Variants in ROCK1 observed in about 807,000 individuals in gnomAD.
ROCK1 encodes the protein Rho associated coiled-coil containing protein kinase 1.
In ROCK1, 36 loss-of-function variants were observed where a neutral mutation model predicts 196.8. The ratio of observed to expected loss-of-function variants is 0.18; its 90% CI spans 0.14 to 0.24. The LOEUF (loss-of-function observed/expected upper bound fraction) is 0.24. Ranked by LOEUF, ROCK1 falls within the 10% of genes least tolerant of loss-of-function variation. ROCK1 has a pLI of 1.00. For synonymous variants in ROCK1, 443 were observed against 515.9 expected (o/e 0.86, Z 1.91); for missense variants, 920 against 1,562.0 (o/e 0.59, Z 6.93).
At chr18:20,983,187 A>G (rs2035548622) in intron 20 of ROCK1, among the ~76,000 whole-genome samples, 1 of 151,358 alleles carries the variant, frequency 6.6e-6, no homozygotes, top group Non-Finnish European at 1.5e-5. Context: ...AATGTCTTGT[A>G]CAGTAAATAA....
chr18:21,107,949 G>A (rs571888614), intron 1 of ROCK1, among the ~76,000 whole-genome samples: 5 of 152,074 alleles, frequency 3.3e-5, no homozygotes, highest in Admixed American at 2.6e-4. Context: ...AACTACTCGT[G>A]GGGGCTGAGG....
chr18:20,952,074 A>G (rs1179453381), intron 32 of ROCK1, among the ~76,000 whole-genome samples: 1 of 152,208 alleles, frequency 6.6e-6, no homozygotes, highest in Non-Finnish European at 1.5e-5. Flanking sequence ...ATGAGATTTC[A>G]TTATTTCTCT....
At chr18:21,064,775 A>G (rs1349283051) in intron 2 of ROCK1, among the ~76,000 whole-genome samples, 1 of 152,328 alleles carries the variant, frequency 6.6e-6, no homozygotes, top group East Asian at 1.9e-4. Flanking sequence ...TTATAATCTC[A>G]GCTGAGAACT....
chr18:21,048,842 G>A (rs1418861746), intron 4 of ROCK1, among the ~76,000 whole-genome samples: 6 of 152,028 alleles, frequency 3.9e-5, no homozygotes, highest in South Asian at 4.1e-4. Context: ...GAGCCATCAC[G>A]CCCAGCACAA....
intron 16 of ROCK1, among the ~76,000 whole-genome samples, chr18:21,005,651 C>T (rs572758584): frequency 3.6e-4 from 55 of 152,104 alleles, no homozygotes; most frequent in Middle Eastern, 3.4e-3. Context: ...TCGAGGTGGG[C>T]GGATCGCTTG....
intron 9 of ROCK1, among the ~76,000 whole-genome samples, chr18:21,033,854 T>TAAAAAAAAAAAAAA (rs71269004): frequency 3.3e-4 from 11 of 33,458 alleles, no homozygotes; most frequent in East Asian, 2.1e-3. Context: ...CCGTTTCTAC[T>TAAAAAAAAAAAAAA]AAAAAAAAAA....
At chr18:21,027,483 C>T (rs2035968713) in intron 10 of ROCK1, among the ~76,000 whole-genome samples, 1 of 152,178 alleles carries the variant, frequency 6.6e-6, no homozygotes, top group Non-Finnish European at 1.5e-5. Flanking sequence ...GTAAAGCTAA[C>T]ATGAACTCAT....
At chr18:20,959,105 A>ATATAATATATATAT (rs2035292894) in intron 29 of ROCK1, among the ~76,000 whole-genome samples, 3 of 33,888 alleles carry the variant, frequency 8.9e-5, no homozygotes, top group East Asian at 9.8e-4. Flanking sequence ...TATATATATT[A>ATATAATATATATAT]TATATATATT....
chr18:21,071,417 T>C (rs1487767758), intron 1 of ROCK1, among the ~76,000 whole-genome samples: 1 of 152,144 alleles, frequency 6.6e-6, no homozygotes, highest in Non-Finnish European at 1.5e-5. Context: ...CTCAAGCAAT[T>C]GCTCCTGTCT....
At chr18:21,072,989 G>A (rs1332683265) in intron 1 of ROCK1, among the ~76,000 whole-genome samples, 2 of 136,132 alleles carry the variant, frequency 1.5e-5, no homozygotes, top group African/African-American at 2.8e-5. Flanking sequence ...CAGGACAATC[G>A]CTTGAACCCG....
rs2143437342 is a variant in ROCK1 at position 21,006,457 on chromosome 18, C to T, written c.1779G>A (p.Glu593=). Reference sequence around the variant, plus strand: ...CTTTGTCTGTTTGTGACTTAGAATTCTCTAAAATTCGATTTCTCTCTTGCA... The same window carrying T: ...CTTTGTCTGTTTGTGACTTAGAATTTTCTAAAATTCGATTTCTCTCTTGCA... ...RELQERNRIL[E]NSKSQTDKDY... The change falls in exon 16 of 33, where the codon GAG becomes GAA. Residue 593 remains glutamate (E), a synonymous_variant. Coordinates refer to ENST00000399799, the MANE Select transcript of ROCK1 (RefSeq NM_005406.3). 1 of 1,613,714 alleles carries T rather than the reference C, an allele frequency of 6.2e-7. No homozygotes were observed. The highest frequency in any genetic ancestry group is 2.2e-5 in the East Asian group (1 of 44,844).
In ROCK1 at chr18:20,967,689, T is replaced by C. The variant is rs1598511126; in HGVS notation, c.3192+63A>G. 3 of 1,238,866 alleles carry C rather than the reference T, an allele frequency of 2.4e-6. No homozygotes were observed. The South Asian group carries it at 5.0e-5, about 21-fold the overall frequency. 76.7% of individuals were successfully genotyped at this position (1,238,866 alleles called of 1,614,324 possible). On this transcript the variant is annotated intron_variant, in intron 26 of 32. Coordinates refer to ENST00000399799, the MANE Select transcript of ROCK1 (RefSeq NM_005406.3). ...ACAAGATAAATAGATAACAAGTATA[T>C]ACAGAAATAATTTAAGAAAATAATC...
At chr18:20,962,810 T>C (rs2035339421) in intron 27 of ROCK1, among the ~76,000 whole-genome samples, 1 of 152,136 alleles carries the variant, frequency 6.6e-6, no homozygotes, top group Non-Finnish European at 1.5e-5. Flanking sequence ...AAAATTTTAG[T>C]TTTTCCATCT....
At chr18:21,052,858 A>C (rs1170368881) in intron 2 of ROCK1, among the ~76,000 whole-genome samples, 1 of 152,164 alleles carries the variant, frequency 6.6e-6, no homozygotes, top group Non-Finnish European at 1.5e-5. Flanking sequence ...CTGGTGCCAA[A>C]AAGTTTGGGG....
At chr18:20,964,765 CT>C (rs1450819164) in intron 27 of ROCK1, among the ~76,000 whole-genome samples, 1 of 152,174 alleles carries the variant, frequency 6.6e-6, no homozygotes, top group African/African-American at 2.4e-5. Context: ...AATCTCTTTG[CT>C]CAATAAGTCA....
intron 2 of ROCK1, among the ~76,000 whole-genome samples, chr18:21,063,560 G>A (rs1359912468): frequency 1.3e-5 from 2 of 152,106 alleles, no homozygotes; most frequent in Non-Finnish European, 2.9e-5. Context: ...ACAAGGAGGA[G>A]AGGTGTACAG....
intron 31 of ROCK1, among the ~76,000 whole-genome samples, chr18:20,954,522 G>A (rs1420815418): frequency 1.3e-5 from 2 of 152,204 alleles, no homozygotes; most frequent in Non-Finnish European, 2.9e-5. Context: ...GCTGCAGTGA[G>A]CTGAGATCAC....
intron 13 of ROCK1, among the ~76,000 whole-genome samples, chr18:21,010,865 T>C (rs2035810921): frequency 6.6e-6 from 1 of 152,226 alleles, no homozygotes; most frequent in Non-Finnish European, 1.5e-5. Flanking sequence ...GCTCTGTTGT[T>C]TGGTGTACAG....
At chr18:20,986,900 T>C in intron 19 of ROCK1, 50 bp downstream of exon 19, 1 of 1,471,746 alleles carries the variant, frequency 6.8e-7, no homozygotes, top group Non-Finnish European at 9.2e-7. Context: ...ATAACTTATA[T>C]AACCGTTTCT....
Sources: gnomAD v4.1 joint callset for allele counts (sites outside exome capture counted in the v4.1 genomes callset) on GRCh38, gnomAD v4.1.1 for gene constraint, MANE v1.5 for transcripts, NCBI Gene and HGNC (gene_info 2026-07-23, HGNC 2026-07-21) for gene names.